CUX2: variants seen among roughly 807,000 people sequenced by gnomAD.
The protein encoded by CUX2 is homeobox protein cut-like 2.
Under a neutral mutation model 144.8 loss-of-function variants are expected in CUX2, and 40 were observed. The ratio of observed to expected loss-of-function variants is 0.28; its 90% CI spans 0.21 to 0.36. CUX2 has a LOEUF of 0.36. CUX2 is among the 10% of genes least tolerant of loss of function. CUX2 has a pLI of 1.00. For missense variants in CUX2, 1,615 were observed against 1,994.0 expected, an observed-to-expected ratio of 0.81 and a Z score of 3.62; for synonymous variants, 827 against 875.6, an observed-to-expected ratio of 0.94 and a Z score of 0.98.
intron 4 of CUX2, among the ~76,000 whole-genome samples, chr12:111,278,657 C>T (rs1047629435): frequency 2.6e-5 from 4 of 152,198 alleles, no homozygotes; most frequent in Admixed American, 6.5e-5. Context: ...GAAGGGAAGA[C>T]TCGGGAATGA....
intron 1 of CUX2, among the ~76,000 whole-genome samples, chr12:111,198,356 T>A (rs1006290084): frequency 6.6e-6 from 1 of 151,824 alleles, no homozygotes; most frequent in Non-Finnish European, 1.5e-5. Flanking sequence ...ACACCTGTAA[T>A]CCTAGCTACT....
chr12:111,204,501 C>T (rs1343769874), intron 1 of CUX2, among the ~76,000 whole-genome samples: 2 of 152,166 alleles, frequency 1.3e-5, no homozygotes, highest in East Asian at 1.9e-4. Flanking sequence ...CTTCAGGCCA[C>T]GGCAGACCTT....
At chr12:111,296,900 G>T (rs1287388203) in intron 8 of CUX2, among the ~76,000 whole-genome samples, 2 of 137,296 alleles carry the variant, frequency 1.5e-5, no homozygotes, top group African/African-American at 5.5e-5. Context: ...TCCCAGAGAG[G>T]CCTCCTACCT....
rs1795366034 is a variant in CUX2 at position 111,263,707 on chromosome 12, T to G, written c.223-54T>G. On this transcript the variant is annotated intron_variant, in intron 3 of 21. Coordinates refer to ENST00000261726, the MANE Select transcript of CUX2 (RefSeq NM_015267.4). The surrounding 1 kb of genome is among the most constrained non-coding windows in gnomAD (Gnocchi z 4.0). ...GAAAAAAAAAATGATGAAATTTGCT[T>G]GCAGACACAGATGCCATGGTTACAC... The G allele has an allele frequency of 3.8e-6, 5 of 1,332,310 alleles. No homozygotes were observed. Among genetic ancestry groups the G allele is most frequent in the Non-Finnish European group, 5.3e-6 (5 of 938,470 alleles). 82.5% of individuals were successfully genotyped at this position (1,332,310 alleles called of 1,614,324 possible). A position where few individuals can be genotyped will look rare whatever the true frequency, so the allele number is the denominator to read the frequency against.
chr12:111,288,179 T>C (rs1256367344), intron 4 of CUX2, among the ~76,000 whole-genome samples: 2 of 152,028 alleles, frequency 1.3e-5, no homozygotes, highest in African/African-American at 4.8e-5. Context: ...AAGGGGTAGG[T>C]CAGGGGAGGG....
intron 3 of CUX2, among the ~76,000 whole-genome samples, chr12:111,258,963 A>ACTCAAGTG (rs1883970481): frequency 6.6e-6 from 1 of 151,724 alleles, no homozygotes; most frequent in South Asian, 2.1e-4. Context: ...AACCTCCCAG[A>ACTCAAGTG]CTCAAGTGAT....
intron 1 of CUX2, among the ~76,000 whole-genome samples, chr12:111,146,453 T>C (rs1369600073): frequency 6.6e-6 from 1 of 152,166 alleles, no homozygotes; most frequent in African/African-American, 2.4e-5. Flanking sequence ...TGTGATATGG[T>C]TTGGCTGTGT....
At chr12:111,331,842 C>G (rs529180158) in intron 18 of CUX2, among the ~76,000 whole-genome samples, 1 of 151,866 alleles carries the variant, frequency 6.6e-6, no homozygotes, top group Admixed American at 6.6e-5. Context: ...ACTTTGGGGG[C>G]GCCGAGGAGG....
At chr12:111,285,687 C>T (rs1454606680) in intron 4 of CUX2, among the ~76,000 whole-genome samples, 1 of 152,232 alleles carries the variant, frequency 6.6e-6, no homozygotes, top group East Asian at 1.9e-4. Context: ...GACTTCACCC[C>T]AGTGCCTCCA....
chr12:111,324,025 CAAGT>C (rs545934753), intron 18 of CUX2, among the ~76,000 whole-genome samples: 145 of 152,106 alleles, frequency 9.5e-4, no homozygotes, highest in Non-Finnish European at 1.5e-3. Context: ...CTGCACTGGG[CAAGT>C]GAGACCATCT....
At chr12:111,233,894 TGTG>T (rs1392939319) in intron 3 of CUX2, among the ~76,000 whole-genome samples, 1 of 152,156 alleles carries the variant, frequency 6.6e-6, no homozygotes, top group African/African-American at 2.4e-5. Context: ...TGATAGAAGT[TGTG>T]GTGGGGGAGG....
At chr12:111,280,698 G>A (rs994300415) in intron 4 of CUX2, among the ~76,000 whole-genome samples, 2 of 151,990 alleles carry the variant, frequency 1.3e-5, no homozygotes, top group African/African-American at 4.8e-5. Context: ...GCACTCCTCG[G>A]CTTCTAGATG....
rs918487997 is a variant in CUX2 at position 111,119,807 on chromosome 12, C to T, written c.63+85567C>T. ...GCACAGTGGCTTGCGCCTGTAATCC[C>T]AACACTTTGGGGGGCCAAGGCGGGA... On this transcript the variant is annotated intron_variant, in intron 1 of 21. Transcript: ENST00000261726. Among the ~76,000 whole-genome samples the T allele has an allele frequency of 7.2e-5, 11 of 152,318 alleles. No individual in the cohort carries two copies. The Middle Eastern group carries it at 0.014, about 188-fold the overall frequency.
intron 1 of CUX2, among the ~76,000 whole-genome samples, chr12:111,087,366 C>CAAAAAAAAAAAAAAAAAA (rs1159500448): frequency 1.1e-4 from 5 of 45,052 alleles, no homozygotes; most frequent in East Asian, 5.3e-4. Context: ...GACTCCATCT[C>CAAAAAAAAAAAAAAAAAA]AAAAAAAAAA....
At chr12:111,181,162 T>C (rs911183307) in intron 1 of CUX2, among the ~76,000 whole-genome samples, 2 of 152,226 alleles carry the variant, frequency 1.3e-5, no homozygotes, top group South Asian at 2.1e-4. Flanking sequence ...TTTGGGGTGG[T>C]CTGTCAGAGG....
chr12:111,173,006 G>T (rs1878640409), intron 1 of CUX2, among the ~76,000 whole-genome samples: 1 of 152,228 alleles, frequency 6.6e-6, no homozygotes, highest in African/African-American at 2.4e-5. Flanking sequence ...CAGAAGACTT[G>T]GGTGAGTGCG....
intron 3 of CUX2, among the ~76,000 whole-genome samples, chr12:111,234,875 C>A (rs533421394): frequency 6.6e-6 from 1 of 152,216 alleles, no homozygotes; most frequent in African/African-American, 2.4e-5. Context: ...CACACCACCA[C>A]GCCCAGCTAA....
At chr12:111,334,097 GA>G (rs773002629) in intron 18 of CUX2, among the ~76,000 whole-genome samples, 3 of 150,886 alleles carry the variant, frequency 2.0e-5, no homozygotes, top group Non-Finnish European at 4.4e-5. Context: ...TGAGGCAGGA[GA>G]ATCGCTTGAA....
chr12:111,090,805 A>G (rs1872513626), intron 1 of CUX2, among the ~76,000 whole-genome samples: 1 of 151,998 alleles, frequency 6.6e-6, no homozygotes, highest in Admixed American at 6.6e-5. Flanking sequence ...AGCTGAACAG[A>G]GATGCTACTT....
Sources: gnomAD v4.1 joint callset for allele counts (sites outside exome capture counted in the v4.1 genomes callset) on GRCh38, gnomAD v4.1.1 for gene constraint, Gnocchi (gnomAD v3.1) non-coding constraint, MANE v1.5 for transcripts, NCBI Gene and HGNC (gene_info 2026-07-23, HGNC 2026-07-21) for gene names.